Variants in RTN4IP1 observed in about 807,000 individuals in gnomAD.
RTN4IP1 encodes the protein NAD(P)H oxidoreductase RTN4IP1, mitochondrial.
Under a neutral mutation model 46.6 loss-of-function variants are expected in RTN4IP1, and 32 were observed. The observed-to-expected ratio is 0.69, with a 90% CI of 0.52 to 0.92. The LOEUF is 0.92. Ranked by LOEUF, RTN4IP1 falls within the 40% of genes least tolerant of loss-of-function variation. The pLI is 0.00. For missense variants in RTN4IP1, 424 were observed against 485.8 expected (o/e 0.87, Z 1.20); for synonymous variants, 167 against 161.8 (o/e 1.03, Z -0.24).
chr6:106,627,141 G>GAA (rs11387767), intron 1 of RTN4IP1, among the ~76,000 whole-genome samples: 102 of 146,674 alleles, frequency 7.0e-4, no homozygotes, highest in Admixed American at 7.5e-4. Flanking sequence ...AAAGGTAGGA[G>GAA]AAAAAAAAAA....
Position 106,628,773 on chromosome 6 carries a change from T to C in RTN4IP1, c.249A>G (p.Val83=), listed in dbSNP as rs139528800. 4.3e-6 allele frequency: 7 copies of C among 1,613,866 alleles called. No individual in the cohort carries two copies. The highest frequency in any genetic ancestry group is 5.9e-6 in the Non-Finnish European group (7 of 1,179,836). ...EVIVKVHAAS[V]NPIDVNMRSG... is the part of the protein sequence containing the mutation. ...TTCTCATATTAACGTCTATAGGATT[T>C]ACACTGGCAGCGTGAACTTTGACAA... is the stretch of plus-strand genomic sequence containing the variant. Residue 83 remains valine (V), a synonymous_variant, in exon 1 of 9, where the codon GTA becomes GTG. Coordinates refer to ENST00000369063, the MANE Select transcript of RTN4IP1 (RefSeq NM_032730.5).
intron 8 of RTN4IP1, among the ~76,000 whole-genome samples, chr6:106,573,224 T>C (rs1775125768): frequency 6.6e-6 from 1 of 152,208 alleles, no homozygotes; most frequent in Non-Finnish European, 1.5e-5. Flanking sequence ...TTTCAAAACT[T>C]TAAGCAAAAA....
intron 8 of RTN4IP1, among the ~76,000 whole-genome samples, chr6:106,579,498 C>T (rs991441860): frequency 1.3e-5 from 2 of 152,098 alleles, no homozygotes; most frequent in African/African-American, 4.8e-5. Flanking sequence ...ACTGTGAGGT[C>T]ACCACATATT....
At chr6:106,583,124 T>C (rs995218324) in intron 8 of RTN4IP1, among the ~76,000 whole-genome samples, 10 of 152,326 alleles carry the variant, frequency 6.6e-5, no homozygotes, top group Admixed American at 3.9e-4. Flanking sequence ...GAAGCTCTTG[T>C]GCAGATGGAG....
At chr6:106,583,800 G>C (rs1303713264) in intron 7 of RTN4IP1, among the ~76,000 whole-genome samples, 4 of 152,218 alleles carry the variant, frequency 2.6e-5, no homozygotes, top group Admixed American at 6.5e-5. Context: ...ATAAAGCCCA[G>C]AGGCACTAGA....
At chr6:106,573,058 G>A (rs148171527) in intron 8 of RTN4IP1, among the ~76,000 whole-genome samples, 8 of 152,290 alleles carry the variant, frequency 5.3e-5, no homozygotes, top group African/African-American at 1.7e-4. Flanking sequence ...CGGTGCAGCC[G>A]GTTACAATTT....
chr6:106,609,484 G>A (rs1776169573), intron 4 of RTN4IP1, among the ~76,000 whole-genome samples: 1 of 152,190 alleles, frequency 6.6e-6, no homozygotes, highest in South Asian at 2.1e-4. Flanking sequence ...AGCAATGATT[G>A]TGCCACTGTA....
chr6:106,574,879 TA>T (rs1175183254), intron 8 of RTN4IP1, among the ~76,000 whole-genome samples: 1 of 152,236 alleles, frequency 6.6e-6, no homozygotes, highest in African/African-American at 2.4e-5. Flanking sequence ...CTGCCCACTT[TA>T]ATCTGGCTGG....
chr6:106,599,182 TA>T (rs1003938116), intron 5 of RTN4IP1, among the ~76,000 whole-genome samples: 143 of 152,104 alleles, frequency 9.4e-4, no homozygotes, highest in African/African-American at 3.2e-3. Flanking sequence ...TCCCTTTCCT[TA>T]TAATAGCTTT....
intron 4 of RTN4IP1, among the ~76,000 whole-genome samples, chr6:106,616,006 A>G (rs186788930): frequency 6.6e-6 from 1 of 151,192 alleles, no homozygotes; most frequent in East Asian, 2.0e-4. Flanking sequence ...ACAACCTCCA[A>G]CTCTGTGGTT....
intron 8 of RTN4IP1, among the ~76,000 whole-genome samples, chr6:106,575,428 C>T (rs1282671697): frequency 2.6e-5 from 4 of 152,220 alleles, no homozygotes; most frequent in Admixed American, 6.5e-5. Context: ...TCTGTGAGAA[C>T]GTAGGGACGA....
At chr6:106,573,052 G>A (rs2114614248) in intron 8 of RTN4IP1, among the ~76,000 whole-genome samples, 1 of 152,320 alleles carries the variant, frequency 6.6e-6, no homozygotes, top group Non-Finnish European at 1.5e-5. Context: ...AAACAACGGT[G>A]CAGCCGGTTA....
At chr6:106,597,838 C>T (rs1362883536) in intron 5 of RTN4IP1, among the ~76,000 whole-genome samples, 2 of 152,046 alleles carry the variant, frequency 1.3e-5, no homozygotes, top group East Asian at 3.8e-4. Context: ...AACGCTATCC[C>T]TCCCCGCTCC....
chr6:106,622,075 C>T (rs745563075), intron 2 of RTN4IP1, among the ~76,000 whole-genome samples: 2 of 151,960 alleles, frequency 1.3e-5, no homozygotes, highest in Non-Finnish European at 2.9e-5. Flanking sequence ...ATTTTAAAGT[C>T]TTGCATTTCT....
chr6:106,627,400 C>T (rs1032199017), intron 1 of RTN4IP1, among the ~76,000 whole-genome samples: 37 of 152,108 alleles, frequency 2.4e-4, no homozygotes, highest in African/African-American at 8.5e-4. Context: ...AGATAAAATA[C>T]TGCTAATTTA....
chr6:106,594,634 A>T (rs1775739794), intron 5 of RTN4IP1, among the ~76,000 whole-genome samples: 1 of 152,134 alleles, frequency 6.6e-6, no homozygotes, highest in Non-Finnish European at 1.5e-5. Context: ...AAACCACAGA[A>T]GCCCCTCCTA....
chr6:106,578,471 A>G (rs1775280755), intron 8 of RTN4IP1, among the ~76,000 whole-genome samples: 1 of 152,194 alleles, frequency 6.6e-6, no homozygotes, highest in South Asian at 2.1e-4. Flanking sequence ...ATCTCCTCCC[A>G]CCAAAAAGTA....
rs1203556170 is a variant in RTN4IP1 at position 106,571,169 on chromosome 6, G to GCTCT, written c.*823_*826dup. 6.6e-6 allele frequency: 1 copy of GCTCT among 152,176 alleles called. No homozygotes were observed. Among genetic ancestry groups the GCTCT allele is most frequent in the African/African-American group, 2.4e-5 (1 of 41,438 alleles). The allele number at this position is 152,176 out of a possible 1,614,324, so 9.4% of individuals were successfully genotyped here. On this transcript the variant is annotated 3_prime_UTR_variant, in exon 9 of 9. Coordinates refer to ENST00000369063, the MANE Select transcript of RTN4IP1 (RefSeq NM_032730.5). ...AGGGTTTTAAAAAGTTAGAAACTCT[G>GCTCT]CTCTCACCTTTCAATATTAAGAGCA...
At chr6:106,581,073 GT>G (rs1775360590) in intron 8 of RTN4IP1, among the ~76,000 whole-genome samples, 1 of 151,628 alleles carries the variant, frequency 6.6e-6, no homozygotes, top group South Asian at 2.1e-4. Context: ...TATTTTTCCT[GT>G]TTTGATAGAG....
Sources: allele counts gnomAD v4.1 joint callset (sites outside exome capture counted in the v4.1 genomes callset), GRCh38; gene constraint gnomAD v4.1.1; transcripts MANE v1.5; gene names NCBI Gene and HGNC (gene_info 2026-07-23, HGNC 2026-07-21).